FRMD5: variants seen among roughly 807,000 people sequenced by gnomAD.
FRMD5 encodes the protein FERM domain containing 5, also known as FERM domain-containing protein 5.
In FRMD5, 20 loss-of-function variants were observed where a neutral mutation model predicts 69.0. That is an observed-to-expected ratio of 0.29 (90% CI 0.20 to 0.42). The LOEUF (loss-of-function observed/expected upper bound fraction) is 0.42. Ranked by LOEUF, FRMD5 falls within the 10% of genes least tolerant of loss-of-function variation. The pLI is 1.00. For synonymous variants in FRMD5, 271 were observed against 260.1 expected (o/e 1.04, Z -0.40); for missense variants, 595 against 708.6 (o/e 0.84, Z 1.82).
At chr15:44,042,736 G>T (rs914191953) in intron 1 of FRMD5, among the ~76,000 whole-genome samples, 1 of 152,182 alleles carries the variant, frequency 6.6e-6, no homozygotes, top group Non-Finnish European at 1.5e-5. Flanking sequence ...CAGCCTTCAT[G>T]CTAAAAACTC....
intron 1 of FRMD5, among the ~76,000 whole-genome samples, chr15:43,967,776 T>C (rs529498382): frequency 2.6e-5 from 4 of 152,240 alleles, no homozygotes; most frequent in African/African-American, 7.2e-5. Context: ...AATTTTACTT[T>C]AAGTTCTGGA....
rs2088341359 is a variant in FRMD5, at chr15:43,875,907, T to C, written c.1136-1445A>G. 3 of 873,244 alleles carry C rather than the reference T, an allele frequency of 3.4e-6. No individual in the cohort carries two copies. In the Admixed American group the frequency reaches 5.2e-5, roughly 15 times the overall value. The allele number at this position is 873,244 out of a possible 1,614,324, so 54.1% of individuals were successfully genotyped here. On this transcript the variant is annotated intron_variant, in intron 13 of 13. Coordinates refer to ENST00000417257, the MANE Select transcript of FRMD5 (RefSeq NM_032892.5). ...TCCAAATTTTGTCTTAACTGCTGGG[T>C]CTGTAAACACAGGCTTATCCATCAC...
At chr15:44,144,875 G>C (rs2077332496) in intron 1 of FRMD5, among the ~76,000 whole-genome samples, 1 of 152,144 alleles carries the variant, frequency 6.6e-6, no homozygotes, top group South Asian at 2.1e-4. Flanking sequence ...TAGCAGGCTG[G>C]TCCTAAGTGT....
intron 1 of FRMD5, among the ~76,000 whole-genome samples, chr15:44,014,503 G>A (rs1403033491): frequency 2.6e-5 from 4 of 152,156 alleles, no homozygotes; most frequent in Non-Finnish European, 5.9e-5. Context: ...TTGGGAGGCC[G>A]AGGCGGGAAG....
intron 1 of FRMD5, among the ~76,000 whole-genome samples, chr15:43,944,363 G>A (rs369855010): frequency 5.9e-5 from 9 of 152,254 alleles, no homozygotes; most frequent in East Asian, 3.9e-4. Flanking sequence ...ATCTATTAAC[G>A]CATTAAGCCA....
At chr15:44,020,412 C>A (rs1354954397) in intron 1 of FRMD5, among the ~76,000 whole-genome samples, 1 of 152,182 alleles carries the variant, frequency 6.6e-6, no homozygotes, top group Admixed American at 6.5e-5. Context: ...CAGCTAGGCA[C>A]TTTTCTAGGT....
At chr15:44,066,068 T>C (rs554465339) in intron 1 of FRMD5, among the ~76,000 whole-genome samples, 31 of 152,310 alleles carry the variant, frequency 2.0e-4, no homozygotes, top group Admixed American at 5.2e-4. Flanking sequence ...GTGCTCTGAT[T>C]TGCTGTAAAG....
At chr15:44,037,103 A>G (rs1228935956) in intron 1 of FRMD5, among the ~76,000 whole-genome samples, 1 of 152,124 alleles carries the variant, frequency 6.6e-6, no homozygotes, top group African/African-American at 2.4e-5. Context: ...TGTCAACTAC[A>G]TTAGGTATTT....
intron 1 of FRMD5, among the ~76,000 whole-genome samples, chr15:43,976,572 C>T (rs958865474): frequency 5.3e-5 from 8 of 152,310 alleles, no homozygotes; most frequent in African/African-American, 1.9e-4. Context: ...AATGGCCAAA[C>T]AGGTTTATTT....
intron 1 of FRMD5, among the ~76,000 whole-genome samples, chr15:44,010,456 G>C (rs192266326): frequency 1.4e-5 from 2 of 147,190 alleles, no homozygotes; most frequent in African/African-American, 5.0e-5. Context: ...GGAGTGCAGT[G>C]GCACGATCTC....
At chr15:43,893,133 A>AC (rs1285984115) in intron 7 of FRMD5, among the ~76,000 whole-genome samples, 103 of 147,116 alleles carry the variant, frequency 7.0e-4, no homozygotes, top group East Asian at 2.9e-3. Context: ...AAAAACAAAA[A>AC]AAAAAAAAAA....
At chr15:43,883,113 T>C (rs1470024420) in intron 13 of FRMD5, among the ~76,000 whole-genome samples, 1 of 138,330 alleles carries the variant, frequency 7.2e-6, no homozygotes. Flanking sequence ...TAAAAAATTC[T>C]TTTTTTTTTT....
chr15:43,974,291 G>A (rs149604216), intron 1 of FRMD5, among the ~76,000 whole-genome samples: 566 of 152,314 alleles, frequency 3.7e-3, no homozygotes, highest in African/African-American at 0.013. Flanking sequence ...TCTAGGAGGT[G>A]AACAGCTTGA....
At chr15:44,084,879 T>G (rs1389280443) in intron 1 of FRMD5, among the ~76,000 whole-genome samples, 1 of 152,072 alleles carries the variant, frequency 6.6e-6, no homozygotes, top group African/African-American at 2.4e-5. Flanking sequence ...AGGCCACCAT[T>G]CCCCATGGGC....
intron 1 of FRMD5, among the ~76,000 whole-genome samples, chr15:43,973,210 GACGGGGTTTC>G (rs1308541618): frequency 6.6e-6 from 1 of 151,998 alleles, no homozygotes; most frequent in Non-Finnish European, 1.5e-5. Context: ...TTTTAGTAGA[GACGGGGTTTC>G]ACCATGTTAG....
At chr15:43,963,664 C>A (rs980184888) in intron 1 of FRMD5, among the ~76,000 whole-genome samples, 1 of 152,150 alleles carries the variant, frequency 6.6e-6, no homozygotes, top group African/African-American at 2.4e-5. Flanking sequence ...ACCCAAATGT[C>A]CAACAATGAT....
At chr15:44,151,880 C>A (rs1467704781) in intron 1 of FRMD5, among the ~76,000 whole-genome samples, 1 of 152,104 alleles carries the variant, frequency 6.6e-6, no homozygotes, top group Non-Finnish European at 1.5e-5. Flanking sequence ...ATAGTAAACT[C>A]CTAAAACAAA....
rs61735012 is a variant in FRMD5, at chr15:43,874,320, A to G, written c.1278T>C (p.Pro426=). The G allele has an allele frequency of 3.4e-3, 5,416 of 1,614,184 alleles. 167 individuals are homozygous for G. The African/African-American group carries it at 0.064, about 19-fold the overall frequency. Residue 426 remains proline, a synonymous_variant, in exon 14 of 14, where the codon CCT becomes CCC. Transcript: ENST00000417257. ...CAGGGGTGGGCAGCACGCTGTCTGC[A>G]GGGCTGTAGGCCTCGTCTGCAATCA... ...VAVIADEAYS[P]ADSVLPTPVA...
At chr15:43,978,546 CAT>C (rs2090499833) in intron 1 of FRMD5, among the ~76,000 whole-genome samples, 2 of 152,156 alleles carry the variant, frequency 1.3e-5, no homozygotes, top group Admixed American at 1.3e-4. Flanking sequence ...ATTTGGTTAA[CAT>C]GATTTTCTGA....
Sources: gnomAD v4.1 joint callset for allele counts (sites outside exome capture counted in the v4.1 genomes callset) on GRCh38, gnomAD v4.1.1 for gene constraint, MANE v1.5 for transcripts, NCBI Gene and HGNC (gene_info 2026-07-23, HGNC 2026-07-21) for gene names.